Variants in ADGRL1 observed in about 807,000 individuals in gnomAD.
ADGRL1 encodes CIRL-1.
A neutral mutation model predicts 148.9 loss-of-function variants in ADGRL1; 31 were observed. The ratio of observed to expected loss-of-function variants is 0.21; its 90% CI spans 0.16 to 0.28. The LOEUF is 0.28. Among genes scored for constraint, ADGRL1 ranks in the 10% least tolerant of loss-of-function variants. The probability of loss-of-function intolerance (pLI) is 1.00; values close to 1 mark genes in which losing one functional copy is unlikely to be tolerated. For missense variants in ADGRL1, 1,521 were observed against 2,058.8 expected (o/e 0.74, Z 5.05); for synonymous variants, 937 against 900.3 (o/e 1.04, Z -0.73).
intron 4 of ADGRL1, chr19:14,166,896 G>T: frequency 9.3e-7 from 1 of 1,071,302 alleles, no homozygotes; most frequent in South Asian, 1.3e-5. Flanking sequence ...GGGGGATACC[G>T]ACCGGACCAA....
chr19:14,151,477 A>C lies in ADGRL1; in HGVS notation c.3806T>G (p.Leu1269Arg). ...CTTCTCAAAGGCCGCCGCATCGGCT[A>C]GGTTCCGGCCTCGGGGCGGCTCAGG... ...GGPEPPRGRNLADAAAFEKMI... is the reference protein window; with the variant it reads ...GGPEPPRGRNRADAAAFEKMI... Residue 1269 changes from leucine (L) to arginine (R), a missense_variant, in exon 23 of 23, where the codon CTA becomes CGA. Leu to Arg is a moderately radical substitution (Grantham distance 102). This residue lies in a region of ADGRL1 where 390 missense variants were observed against 375.0 expected (regional missense o/e 1.04). Coordinates refer to ENST00000361434, the MANE Select transcript of ADGRL1 (RefSeq NM_014921.5). 6.2e-7 allele frequency: 1 copy of C among 1,612,608 alleles called. No homozygotes were observed. The highest frequency in any genetic ancestry group is 8.5e-7 in the Non-Finnish European group (1 of 1,179,552).
chr19:14,158,677 A>T, intron 11 of ADGRL1, 125 bp from the exon 12 acceptor site: 1 of 733,046 alleles, frequency 1.4e-6, no homozygotes, highest in Non-Finnish European at 2.3e-6. Context: ...GGGACCTCTG[A>T]AGCCAGTCCA....
intron 11 of ADGRL1, 94 bp from the exon 12 acceptor site, chr19:14,158,646 C>G (rs1969019931): frequency 9.7e-7 from 1 of 1,031,136 alleles, no homozygotes; most frequent in African/African-American, 1.6e-5. Context: ...AGCTCCTCAG[C>G]CCTTGGCCAC....
At chr19:14,167,820 G>A (rs1015142529) in intron 4 of ADGRL1, among the ~76,000 whole-genome samples, 5 of 152,008 alleles carry the variant, frequency 3.3e-5, no homozygotes, top group Admixed American at 3.3e-4. Context: ...GCACAGACAC[G>A]CTCCCAGGCT....
intron 3 of ADGRL1, among the ~76,000 whole-genome samples, chr19:14,176,662 C>T (rs1057326390): frequency 4.6e-5 from 7 of 152,028 alleles, no homozygotes; most frequent in Admixed American, 1.3e-4. Context: ...CATAGCAAGA[C>T]CCTGCCTCTA....
Position 14,155,926 on chromosome 19 carries a change from G to A in ADGRL1, c.3125+184C>T, listed in dbSNP as rs972170477. ...CACAGGTTGGACGTGCTAATGATAC[G>A]CTATCTAAGACCCATTAAGTAGGTA... is the stretch of plus-strand genomic sequence containing the variant. On this transcript the variant is annotated intron_variant, in intron 17 of 22. Transcript: ENST00000361434. The surrounding 1 kb of genome is among the most constrained non-coding windows in gnomAD (Gnocchi z 5.0). The A allele has an allele frequency of 3.9e-5, 23 of 595,928 alleles. No homozygotes were observed. Among genetic ancestry groups the A allele is most frequent in the Admixed American group, 5.6e-5 (2 of 35,470 alleles). 36.9% of individuals were successfully genotyped at this position (595,928 alleles called of 1,614,324 possible). A position where few individuals can be genotyped will look rare whatever the true frequency, so the allele number is the denominator to read the frequency against.
chr19:14,188,295 G>A lies in ADGRL1; in HGVS notation c.-95-4598C>T, dbSNP rs1030494503. ...GGTTCTGGTAAGGAGAGCAGTACAC[G>A]TACACGCTGGGCCAATACAGGCCCC... is the stretch of plus-strand genomic sequence containing the variant. On this transcript the variant is annotated intron_variant, in intron 1 of 22. Transcript: ENST00000361434. 5.3e-5 allele frequency among the ~76,000 whole-genome samples: 8 copies of A among 152,002 alleles called. No individual in the cohort carries two copies. The East Asian group carries it at 7.7e-4, about 15-fold the overall frequency.
chr19:14,156,205 G>C lies in ADGRL1; in HGVS notation c.3034-4C>G, dbSNP rs1358263189. On this transcript the variant is annotated splice_region_variant and splice_polypyrimidine_tract_variant and intron_variant, in intron 16 of 22. Transcript: ENST00000361434. ...CCATGAGGAACACCAGGTTGACCTG[G>C]GGGCGGGACAAGGGGCAGGCTGGGC... 3.1e-6 allele frequency: 5 copies of C among 1,610,292 alleles called. No individual in the cohort carries two copies. The highest frequency in any genetic ancestry group is 4.2e-6 in the Non-Finnish European group (5 of 1,178,464).
chr19:14,196,558 T>C (rs59934649), intron 1 of ADGRL1, among the ~76,000 whole-genome samples: 4,493 of 152,238 alleles, frequency 0.03, 75 homozygotes, highest in African/African-American at 0.045. Context: ...TGGTGGAGGT[T>C]GCAGTGAGCT....
chr19:14,176,382 A>G (rs555494576), intron 3 of ADGRL1, among the ~76,000 whole-genome samples: 1 of 152,154 alleles, frequency 6.6e-6, no homozygotes, highest in South Asian at 2.1e-4. Flanking sequence ...AATAAAACAA[A>G]TACACCGTCA....
Position 14,152,926 on chromosome 19 carries a change from G to T in ADGRL1, c.3295-14C>A. On this transcript the variant is annotated splice_polypyrimidine_tract_variant and intron_variant, in intron 18 of 22. Transcript: ENST00000361434. The surrounding 1 kb of genome is among the most constrained non-coding windows in gnomAD (Gnocchi z 6.1). Reference sequence around the variant, plus strand: ...CTCCTTGTGCACCTGGGAGGTGGAGGACAGTCAGCTGGCTGGGACACTGGC... The same window carrying T: ...CTCCTTGTGCACCTGGGAGGTGGAGTACAGTCAGCTGGCTGGGACACTGGC... 1 of 1,613,124 alleles carries T rather than the reference G, an allele frequency of 6.2e-7. No homozygotes were observed. Among genetic ancestry groups the T allele is most frequent in the South Asian group, 1.1e-5 (1 of 90,986 alleles).
At chr19:14,195,609 G>A (rs1469530332) in intron 1 of ADGRL1, among the ~76,000 whole-genome samples, 1 of 152,036 alleles carries the variant, frequency 6.6e-6, no homozygotes, top group South Asian at 2.1e-4. Context: ...AAACCCAGCC[G>A]CCCATGAGCC....
At chr19:14,170,619 G>A (rs1057501847) in intron 4 of ADGRL1, 63 bp downstream of exon 4, 1 of 988,752 alleles carries the variant, frequency 1.0e-6, no homozygotes, top group Admixed American at 1.9e-5. Context: ...GGGTCAAGGT[G>A]TCTCCTCCTC....
At position 14,157,758 on chromosome 19, in the gene ADGRL1, CA is replaced by C. The variant is rs1968918182; in HGVS notation, c.2535+123del. On this transcript the variant is annotated intron_variant, in intron 13 of 22. Coordinates refer to ENST00000361434, the MANE Select transcript of ADGRL1 (RefSeq NM_014921.5). This position sits in a 1 kb window ranked among gnomAD's most constrained non-coding sequence, Gnocchi z 7.5. ...CATGGCCTCATGCCCCAGGCAAGAC[CA>C]GGGGCCCCCCACACCCATGGGGCTA... The C allele has an allele frequency of 8.2e-7, 1 of 1,224,992 alleles. No homozygotes were observed. The highest frequency in any genetic ancestry group is 2.6e-5 in the Admixed American group (1 of 38,476). The allele number at this position is 1,224,992 out of a possible 1,614,324, so 75.9% of individuals were successfully genotyped here. A position where few individuals can be genotyped will look rare whatever the true frequency, so the allele number is the denominator to read the frequency against.
Position 14,158,545 on chromosome 19 carries a change from G to A in ADGRL1, c.2157C>T (p.Val719=), listed in dbSNP as rs1478544480. The change falls in exon 12 of 23, where the codon GTC becomes GTT. Residue 719 remains valine (V), a synonymous_variant. Transcript: ENST00000361434. ...TGTTGTAGAGGATGAAGACAACTTT[G>A]ACCACCCCTGGTGAGAACAGGCACG... ...TIKQNSRNGV[V]KVVFILYNNL... is the part of the protein sequence containing the mutation. 6.2e-7 allele frequency: 1 copy of A among 1,613,608 alleles called. No individual in the cohort carries two copies. The highest frequency in any genetic ancestry group is 1.7e-5 in the Admixed American group (1 of 60,002).
chr19:14,166,917 G>A (rs1970028597), intron 4 of ADGRL1: 14 of 1,253,364 alleles, frequency 1.1e-5, no homozygotes, highest in Non-Finnish European at 1.3e-5. Context: ...GTGTGGGTTG[G>A]GGAGAGAAGA....
intron 1 of ADGRL1, among the ~76,000 whole-genome samples, chr19:14,184,137 A>G (rs1971411313): frequency 1.3e-5 from 2 of 152,030 alleles, no homozygotes; most frequent in Non-Finnish European, 2.9e-5. Flanking sequence ...TTGGGCAGAA[A>G]TCCAAGCCCC....
intron 2 of ADGRL1, among the ~76,000 whole-genome samples, chr19:14,179,767 C>T (rs905417024): frequency 1.3e-5 from 2 of 150,990 alleles, no homozygotes; most frequent in Non-Finnish European, 3.0e-5. Flanking sequence ...AAAAATTAGC[C>T]GGGTGTGGTG....
At chr19:14,199,837 G>A (rs755567127) in intron 1 of ADGRL1, among the ~76,000 whole-genome samples, 2 of 152,014 alleles carry the variant, frequency 1.3e-5, no homozygotes, top group African/African-American at 2.4e-5. Context: ...AGGTTCAAGC[G>A]ATTCTCCTGA....
Sources: gnomAD v4.1 joint callset for allele counts (sites outside exome capture counted in the v4.1 genomes callset) on GRCh38, gnomAD v4.1.1 for gene constraint, gnomAD v4.1.1 regional missense constraint, Gnocchi (gnomAD v3.1) non-coding constraint, MANE v1.5 for transcripts, NCBI Gene and HGNC (gene_info 2026-07-23, HGNC 2026-07-21) for gene names.